AKIRIN2: variants seen among roughly 807,000 people sequenced by gnomAD.
The protein encoded by AKIRIN2 is akirin-2.
Under a neutral mutation model 29.3 loss-of-function variants are expected in AKIRIN2, and 6 were observed. The observed-to-expected ratio is 0.20, with a 90% CI of 0.11 to 0.40. AKIRIN2 has a LOEUF of 0.40. Among genes scored for constraint, AKIRIN2 ranks in the 10% least tolerant of loss-of-function variants. The pLI, the probability that AKIRIN2 is intolerant of heterozygous loss-of-function variation, is 1.00. For missense variants in AKIRIN2, 210 were observed against 276.1 expected (o/e 0.76, Z 1.70); for synonymous variants, 128 against 117.5 (o/e 1.09, Z -0.58).
At chr6:87,688,087 G>A (rs1771217883) in intron 1 of AKIRIN2, among the ~76,000 whole-genome samples, 1 of 152,028 alleles carries the variant, frequency 6.6e-6, no homozygotes, top group African/African-American at 2.4e-5. Context: ...AGCTACAATA[G>A]CGCCACTGCA....
chr6:87,695,607 C>G (rs1278780521), intron 1 of AKIRIN2, among the ~76,000 whole-genome samples: 1 of 152,190 alleles, frequency 6.6e-6, no homozygotes, highest in African/African-American at 2.4e-5. Context: ...ACAAGGACTA[C>G]AGAGACTACA....
chr6:87,675,859 C>G lies in AKIRIN2; in HGVS notation c.601+1G>C. 6.2e-7 allele frequency: 1 copy of G among 1,612,938 alleles called. No individual in the cohort carries two copies. The highest frequency in any genetic ancestry group is 8.5e-7 in the Non-Finnish European group (1 of 1,179,398). On this transcript the variant is annotated splice_donor_variant, in intron 4 of 4. Transcript: ENST00000257787. LOFTEE classifies it high-confidence loss of function. ...TATAACTTCAAAGGTGAAATACTTACAGCTAGCAGGCTGTTCTCCATATCG... is the reference window on the plus strand; with the variant it reads ...TATAACTTCAAAGGTGAAATACTTAGAGCTAGCAGGCTGTTCTCCATATCG...
chr6:87,698,732 G>A (rs1430847314), intron 1 of AKIRIN2, among the ~76,000 whole-genome samples: 1 of 152,184 alleles, frequency 6.6e-6, no homozygotes, highest in Admixed American at 6.5e-5. Flanking sequence ...ACTTCCGTCA[G>A]CTCAGCTAGT....
chr6:87,690,229 C>T (rs1181280514), intron 1 of AKIRIN2, among the ~76,000 whole-genome samples: 1 of 145,924 alleles, frequency 6.9e-6, no homozygotes, highest in Non-Finnish European at 1.5e-5. Context: ...ACCAAAAAAA[C>T]AAAAAAAACC....
intron 1 of AKIRIN2, among the ~76,000 whole-genome samples, 157 bp from the exon 2 acceptor site, chr6:87,681,920 A>C (rs1771128064): frequency 6.6e-6 from 1 of 152,194 alleles, no homozygotes; most frequent in Non-Finnish European, 1.5e-5. Context: ...TTTCAGCATA[A>C]ATGGGGACAT....
rs1771125409 is a variant in AKIRIN2 at position 87,681,712 on chromosome 6, C to G, written c.287G>C (p.Arg96Thr). Residue 96 changes from arginine (R) to threonine (T), a missense_variant, in exon 2 of 5, where the codon AGA becomes ACA. By Grantham distance (71) the Arg-to-Thr change is moderately conservative. Around this residue, in one of 2 missense-constraint regions of AKIRIN2, gnomAD observed 199 missense variants for 236.5 expected, o/e 0.84. Transcript: ENST00000257787. The stretch of plus-strand genomic sequence containing the variant: ...CTGTTGGAAACTCGTTTCTAAATGT[C>G]TTCTCTTCTGCATTCGTTTATACTC... The part of the protein sequence containing the change: ...KQEYKRMQKR[R>T]HLETSFQQTD... 1 of 1,612,098 alleles carries G rather than the reference C, an allele frequency of 6.2e-7. No homozygotes were observed. Among genetic ancestry groups the G allele is most frequent in the Non-Finnish European group, 8.5e-7 (1 of 1,178,596 alleles).
chr6:87,701,508 C>G lies in AKIRIN2; in HGVS notation c.177G>C (p.Gln59His). Residue 59 changes from glutamine to histidine, a missense_variant, in exon 1 of 5, where the codon CAG (glutamine) becomes CAC (histidine). Around this residue, in one of 2 missense-constraint regions of AKIRIN2, gnomAD observed 199 missense variants for 236.5 expected, o/e 0.84. Coordinates refer to ENST00000257787, the MANE Select transcript of AKIRIN2 (RefSeq NM_018064.4). ...GGGATGGCTCCATTCGGAGATACTT[C>G]TGCGGCGAGGCGGCCGCAGCGGAGA... is the stretch of plus-strand genomic sequence containing the variant. ...ASFSAAAASP[Q>H]KYLRMEPSPF... 2 of 1,459,302 alleles carry G rather than the reference C, an allele frequency of 1.4e-6. No homozygotes were observed. Among genetic ancestry groups the G allele is most frequent in the Non-Finnish European group, 1.8e-6 (2 of 1,108,094 alleles). 90.4% of individuals were successfully genotyped at this position (1,459,302 alleles called of 1,614,324 possible).
Position 87,697,118 on chromosome 6 carries a change from T to C in AKIRIN2, c.235+4332A>G, listed in dbSNP as rs973376661. On this transcript the variant is annotated intron_variant, in intron 1 of 4. Coordinates refer to ENST00000257787, the MANE Select transcript of AKIRIN2 (RefSeq NM_018064.4). ...GAAGTCAGGAGTTCAAGACCAGCCA[T>C]GCCAACATGGTGAAACCCCATCTCT... Among the ~76,000 whole-genome samples the C allele has an allele frequency of 3.4e-5, 5 of 148,494 alleles. 1 individual carries two copies. Among genetic ancestry groups the C allele is most frequent in the Admixed American group, 2.7e-4 (4 of 14,844 alleles).
chr6:87,687,104 T>C (rs1157300182), intron 1 of AKIRIN2, among the ~76,000 whole-genome samples: 2 of 143,648 alleles, frequency 1.4e-5, no homozygotes, highest in Non-Finnish European at 3.0e-5. Flanking sequence ...ACACAAATGA[T>C]ATGGAAACCT....
At chr6:87,698,928 A>T (rs913115442) in intron 1 of AKIRIN2, among the ~76,000 whole-genome samples, 1 of 152,224 alleles carries the variant, frequency 6.6e-6, no homozygotes, top group African/African-American at 2.4e-5. Flanking sequence ...TATCTAGAGG[A>T]GAACAATGAT....
At chr6:87,700,070 C>T (rs1275840350) in intron 1 of AKIRIN2, among the ~76,000 whole-genome samples, 1 of 151,076 alleles carries the variant, frequency 6.6e-6, no homozygotes, top group Non-Finnish European at 1.5e-5. Flanking sequence ...AACAATTAAT[C>T]AACAAATGCC....
At chr6:87,685,519 T>C (rs1771173834) in intron 1 of AKIRIN2, among the ~76,000 whole-genome samples, 1 of 152,206 alleles carries the variant, frequency 6.6e-6, no homozygotes, top group Non-Finnish European at 1.5e-5. Flanking sequence ...ATATCTGACA[T>C]TGTCTTGCCA....
chr6:87,680,396 C>T (rs145519435), intron 2 of AKIRIN2, among the ~76,000 whole-genome samples: 1 of 149,064 alleles, frequency 6.7e-6, no homozygotes, highest in African/African-American at 2.5e-5. Context: ...ATTCTCCTAC[C>T]TCAGTAGCTG....
chr6:87,692,249 A>C (rs1397113756), intron 1 of AKIRIN2, among the ~76,000 whole-genome samples: 1 of 152,200 alleles, frequency 6.6e-6, no homozygotes, highest in Non-Finnish European at 1.5e-5. Flanking sequence ...GTCCCATTTG[A>C]GGTTGCCTTC....
At chr6:87,681,185 G>A (rs1289470995) in intron 2 of AKIRIN2, among the ~76,000 whole-genome samples, 7 of 152,058 alleles carry the variant, frequency 4.6e-5, no homozygotes, top group Admixed American at 1.3e-4. Flanking sequence ...CTACAGGCGC[G>A]TGCCACCACG....
chr6:87,677,856 C>T lies in AKIRIN2; in HGVS notation c.491G>A (p.Arg164Gln), dbSNP rs759492438. Residue 164 changes from arginine (R) to glutamine (Q), a missense_variant, in exon 3 of 5, where the codon CGA becomes CAA. Physicochemically the swap from Arg to Gln is conservative, Grantham distance 43. Around this residue, in one of 2 missense-constraint regions of AKIRIN2, gnomAD observed 199 missense variants for 236.5 expected, o/e 0.84. Transcript: ENST00000257787. ...RLLKEREEKV[R>Q]EEYEEILNTK... ...GTTCAATATTTCTTCATATTCTTCT[C>T]GAACTTTCTCTTCACGTTCTTTCAA... The T allele has an allele frequency of 5.0e-6, 8 of 1,614,072 alleles. No individual in the cohort carries two copies. In the South Asian group the frequency reaches 5.5e-5, roughly 11 times the overall value.
intron 1 of AKIRIN2, 64 bp downstream of exon 1, chr6:87,701,365 CCACCCCAGGGGCCGCATCCCA>C (rs1368326890): frequency 7.9e-6 from 11 of 1,393,874 alleles, no homozygotes; most frequent in South Asian, 6.9e-5. Flanking sequence ...TCCGGCACCC[CCACCCCAGGGGCCGCATCCCA>C]CACCCCAGGA....
intron 1 of AKIRIN2, among the ~76,000 whole-genome samples, chr6:87,686,901 C>T (rs1366117724): frequency 2.0e-5 from 3 of 151,552 alleles, no homozygotes; most frequent in African/African-American, 7.3e-5. Context: ...CAAAAATTAG[C>T]CAGGCATGGT....
At chr6:87,696,800 G>A (rs1771373587) in intron 1 of AKIRIN2, among the ~76,000 whole-genome samples, 1 of 151,656 alleles carries the variant, frequency 6.6e-6, no homozygotes, top group African/African-American at 2.4e-5. Flanking sequence ...GAGGTGAGGA[G>A]TTCAAGACCA....
Sources: allele counts gnomAD v4.1 joint callset (sites outside exome capture counted in the v4.1 genomes callset), GRCh38; gene constraint gnomAD v4.1.1; regional missense constraint gnomAD v4.1.1; transcripts MANE v1.5; gene names NCBI Gene and HGNC (gene_info 2026-07-23, HGNC 2026-07-21).